The following MCHR2 variants were observed in gnomAD, a reference collection of about 807,000 sequenced individuals.
MCHR2 encodes the protein melanin-concentrating hormone receptor 2.
In MCHR2, 15 loss-of-function variants were observed where a neutral mutation model predicts 24.8. The observed-to-expected ratio is 0.60, with a 90% CI of 0.40 to 0.93. The LOEUF is 0.93. MCHR2 is among the 40% of genes least tolerant of loss of function. The pLI is 0.00. For missense variants in MCHR2, 386 were observed against 408.7 expected (o/e 0.94, Z 0.48); for synonymous variants, 151 against 147.6 (o/e 1.02, Z -0.17).
intron 1 of MCHR2, among the ~76,000 whole-genome samples, chr6:99,966,255 C>G (rs1775294853): frequency 6.6e-6 from 1 of 152,160 alleles, no homozygotes; most frequent in African/African-American, 2.4e-5. Flanking sequence ...GCTCTTTTAT[C>G]TTAGCTGTCA....
intron 5 of MCHR2, among the ~76,000 whole-genome samples, chr6:99,922,631 T>C (rs1161526014): frequency 6.6e-6 from 1 of 152,196 alleles, no homozygotes; most frequent in Non-Finnish European, 1.5e-5. Flanking sequence ...ACCAGCATCA[T>C]TTATTGAAGA....
chr6:99,976,073 T>A (rs996487119), intron 1 of MCHR2, among the ~76,000 whole-genome samples: 2 of 152,022 alleles, frequency 1.3e-5, no homozygotes, highest in African/African-American at 4.8e-5. Context: ...AAAACACAAA[T>A]TTACAAACAC....
chr6:99,951,455 C>T (rs2114534610), intron 2 of MCHR2, among the ~76,000 whole-genome samples: 1 of 152,206 alleles, frequency 6.6e-6, no homozygotes, highest in South Asian at 2.1e-4. Flanking sequence ...CATAGAGTGA[C>T]AGAGTGGAAA....
intron 1 of MCHR2, among the ~76,000 whole-genome samples, chr6:99,984,230 TG>T (rs11357270): frequency 0.066 from 8,495 of 129,394 alleles, 538 homozygotes; most frequent in African/African-American, 0.19. Context: ...TGTATCTTTT[TG>T]TTTTTTATTT....
chr6:99,920,702 G>A lies in MCHR2; in HGVS notation c.*238C>T, dbSNP rs892842139. The A allele has an allele frequency of 2.1e-6, 1 of 487,614 alleles. No homozygotes were observed. Among genetic ancestry groups the A allele is most frequent in the Non-Finnish European group, 3.7e-6 (1 of 270,102 alleles). The allele number at this position is 487,614 out of a possible 1,614,324, so 30.2% of individuals were successfully genotyped here. On this transcript the variant is annotated 3_prime_UTR_variant, in exon 6 of 6. Transcript: ENST00000281806. ...CTGAAATAATATACACCATCATGAAGCCTGGGTATCTCAGACTATCCCATT... is the reference window on the plus strand; with the variant it reads ...CTGAAATAATATACACCATCATGAAACCTGGGTATCTCAGACTATCCCATT...
At chr6:99,928,634 G>T (rs1409738989) in intron 5 of MCHR2, among the ~76,000 whole-genome samples, 2 of 152,224 alleles carry the variant, frequency 1.3e-5, no homozygotes, top group East Asian at 1.9e-4. Context: ...TAGAGGTGTT[G>T]GTAGTGTTCT....
intron 5 of MCHR2, 106 bp downstream of exon 5, chr6:99,934,292 G>C: frequency 8.5e-7 from 1 of 1,182,950 alleles, no homozygotes. Flanking sequence ...ATGTCCACAT[G>C]TCTAAATGTG....
At chr6:99,950,150 G>A (rs565326399) in intron 2 of MCHR2, among the ~76,000 whole-genome samples, 1 of 152,178 alleles carries the variant, frequency 6.6e-6, no homozygotes, top group South Asian at 2.1e-4. Context: ...ATAAAAGTGT[G>A]TCTAGATGAT....
At chr6:99,948,169 G>C (rs1047435561) in intron 2 of MCHR2, among the ~76,000 whole-genome samples, 198 bp from the exon 3 acceptor site, 5 of 152,166 alleles carry the variant, frequency 3.3e-5, no homozygotes, top group Admixed American at 2.6e-4. Flanking sequence ...TTACTGTGGT[G>C]GTTTAAAAAT....
intron 2 of MCHR2, 23 bp from the exon 3 acceptor site, chr6:99,947,994 A>G: frequency 6.3e-7 from 1 of 1,597,168 alleles, no homozygotes; most frequent in Non-Finnish European, 8.6e-7. Flanking sequence ...GAGGAAACTG[A>G]GGATTGACAT....
At chr6:99,935,267 A>G (rs1318251739) in intron 4 of MCHR2, among the ~76,000 whole-genome samples, 1 of 152,078 alleles carries the variant, frequency 6.6e-6, no homozygotes, top group Non-Finnish European at 1.5e-5. Context: ...AGGATATTTT[A>G]AAGTATAGTC....
At chr6:99,961,282 T>C (rs1412581088) in intron 1 of MCHR2, among the ~76,000 whole-genome samples, 3 of 152,088 alleles carry the variant, frequency 2.0e-5, no homozygotes, top group African/African-American at 7.2e-5. Context: ...GTTCAACCAT[T>C]GTGGAAGACA....
chr6:99,993,531 C>G (rs1294293900), intron 1 of MCHR2, among the ~76,000 whole-genome samples: 1 of 152,080 alleles, frequency 6.6e-6, no homozygotes, highest in African/African-American at 2.4e-5. Flanking sequence ...AGCCAGTGAT[C>G]GCCTCCTCGC....
intron 1 of MCHR2, among the ~76,000 whole-genome samples, chr6:99,960,157 C>A (rs1267479779): frequency 3.3e-5 from 5 of 151,858 alleles, no homozygotes; most frequent in Non-Finnish European, 7.4e-5. Flanking sequence ...AGAAACCTTG[C>A]AAGCCAGGAG....
chr6:99,987,503 T>C (rs990357962), intron 1 of MCHR2, among the ~76,000 whole-genome samples: 10 of 152,194 alleles, frequency 6.6e-5, no homozygotes, highest in Admixed American at 1.3e-4. Context: ...CTCGCTGCCA[T>C]TCTTTTTGCT....
At chr6:99,978,951 A>T (rs1016265817) in intron 1 of MCHR2, among the ~76,000 whole-genome samples, 1 of 152,174 alleles carries the variant, frequency 6.6e-6, no homozygotes, top group African/African-American at 2.4e-5. Context: ...CATGGCCAGT[A>T]CTAGGCAAAG....
chr6:99,923,404 C>T (rs1022352706), intron 5 of MCHR2, among the ~76,000 whole-genome samples: 1 of 152,076 alleles, frequency 6.6e-6, no homozygotes, highest in African/African-American at 2.4e-5. Context: ...TCTGATTGCT[C>T]TAGCTAGGAC....
rs535724551 is a variant in MCHR2 at position 99,940,187 on chromosome 6, G to A, written c.587+2762C>T. On this transcript the variant is annotated intron_variant, in intron 4 of 5. Coordinates refer to ENST00000281806, the MANE Select transcript of MCHR2 (RefSeq NM_001040179.2). ...TTTGAATAAGCTTTCTACTCCTTGC[G>A]CTTGCTCAACTCCCTCTTGAACACC... 1.8e-4 allele frequency among the ~76,000 whole-genome samples: 27 copies of A among 151,628 alleles called. No individual in the cohort carries two copies. In the South Asian group the frequency reaches 2.9e-3, roughly 16 times the overall value.
At chr6:99,971,443 G>T (rs1447288244) in intron 1 of MCHR2, among the ~76,000 whole-genome samples, 3 of 152,172 alleles carry the variant, frequency 2.0e-5, no homozygotes, top group Non-Finnish European at 4.4e-5. Flanking sequence ...TTGCTTATCA[G>T]CTTAAGGAGA....
Sources: allele counts gnomAD v4.1 joint callset (sites outside exome capture counted in the v4.1 genomes callset), GRCh38; gene constraint gnomAD v4.1.1; transcripts MANE v1.5; gene names NCBI Gene and HGNC (gene_info 2026-07-23, HGNC 2026-07-21).